Variants in NAALADL2 observed in about 807,000 individuals in gnomAD.
NAALADL2 encodes inactive N-acetylated-alpha-linked acidic dipeptidase-like protein 2.
NAALADL2 carries 76 observed loss-of-function variants against 87.2 expected under a neutral mutation model. The observed-to-expected ratio is 0.87, with a 90% CI of 0.72 to 1.05. The LOEUF is 1.05. NAALADL2 is among the 50% of genes least tolerant of loss of function. The probability of loss-of-function intolerance (pLI) is 0.00; values close to 1 mark genes in which losing one functional copy is unlikely to be tolerated. For synonymous variants in NAALADL2, 354 were observed against 331.0 expected (o/e 1.07, Z -0.75); for missense variants, 1,089 against 945.8 (o/e 1.15, Z -1.99).
At chr3:175,747,960 G>T (rs1284398088) in intron 12 of NAALADL2, among the ~76,000 whole-genome samples, 1 of 152,054 alleles carries the variant, frequency 6.6e-6, no homozygotes, top group African/African-American at 2.4e-5. Context: ...TGCATCTGCA[G>T]TGGCTACCTG....
chr3:174,795,064 ACAC>A (rs1218134511), intron 3 of NAALADL2, among the ~76,000 whole-genome samples: 1 of 131,834 alleles, frequency 7.6e-6, no homozygotes. Context: ...TGATCTCGGC[ACAC>A]CACAACCTCC....
intron 2 of NAALADL2, among the ~76,000 whole-genome samples, chr3:175,173,349 T>TAAGC (rs1204030541): frequency 2.8e-5 from 4 of 143,564 alleles, no homozygotes; most frequent in African/African-American, 7.6e-5. Context: ...AATAAATAAA[T>TAAGC]AAGCAAGCCA....
intron 2 of NAALADL2, among the ~76,000 whole-genome samples, chr3:175,121,580 G>A (rs933215300): frequency 4.0e-5 from 6 of 151,762 alleles, no homozygotes; most frequent in African/African-American, 9.7e-5. Context: ...TTGCTCTTAC[G>A]GGAAAAGTCC....
intron 9 of NAALADL2, among the ~76,000 whole-genome samples, chr3:175,531,584 A>ATATATGCTTT (rs1250999877): frequency 6.6e-6 from 1 of 152,224 alleles, no homozygotes; most frequent in Non-Finnish European, 1.5e-5. Context: ...AAAGCCATAG[A>ATATATGCTTT]GTTGATATAC....
chr3:175,084,196 G>T (rs11915224), intron 1 of NAALADL2, among the ~76,000 whole-genome samples: 34,873 of 151,916 alleles, frequency 0.23, 4,086 homozygotes, highest in East Asian at 0.32. Flanking sequence ...TGAGTAAAAA[G>T]CTACCCCCCA....
chr3:175,721,284 A>C (rs756037383), intron 11 of NAALADL2, among the ~76,000 whole-genome samples: 15 of 152,108 alleles, frequency 9.9e-5, no homozygotes, highest in Non-Finnish European at 1.8e-4. Flanking sequence ...GGAAAAACTC[A>C]GTCAAGCTAA....
intron 1 of NAALADL2, among the ~76,000 whole-genome samples, chr3:174,473,766 G>A (rs1577982950): frequency 2.0e-5 from 3 of 152,066 alleles, no homozygotes; most frequent in South Asian, 4.1e-4. Flanking sequence ...TTGATTAGAT[G>A]TTATTTGAAA....
At chr3:174,531,375 TA>T (rs1217700522) in intron 1 of NAALADL2, among the ~76,000 whole-genome samples, 5 of 152,138 alleles carry the variant, frequency 3.3e-5, no homozygotes, top group African/African-American at 1.2e-4. Context: ...GATTACCTTT[TA>T]ACTCATGTAA....
intron 12 of NAALADL2, among the ~76,000 whole-genome samples, chr3:175,741,164 C>T (rs901036948): frequency 2.0e-5 from 3 of 152,144 alleles, no homozygotes; most frequent in Non-Finnish European, 4.4e-5. Flanking sequence ...TTATCAACAA[C>T]AGTAATTTAT....
intron 2 of NAALADL2, among the ~76,000 whole-genome samples, chr3:174,704,292 A>G (rs1729853955): frequency 6.6e-6 from 1 of 152,210 alleles, no homozygotes; most frequent in Non-Finnish European, 1.5e-5. Context: ...AATTTCAAAT[A>G]CAGACTTTAA....
chr3:175,449,394 C>CTTCTTTTTTTTTTTTTT (rs1212551637), intron 6 of NAALADL2, among the ~76,000 whole-genome samples: 1 of 48,536 alleles, frequency 2.1e-5, no homozygotes, highest in Non-Finnish European at 4.7e-5. Flanking sequence ...TAATTTTCTT[C>CTTCTTTTTTTTTTTTTT]TTTTTTTTTT....
At chr3:175,011,434 C>T (rs1749811344) in intron 1 of NAALADL2, among the ~76,000 whole-genome samples, 3 of 152,086 alleles carry the variant, frequency 2.0e-5, no homozygotes, top group Admixed American at 2.0e-4. Context: ...AGAGTCTCAG[C>T]AACTTTCTTT....
chr3:174,819,748 G>C (rs1026852060), intron 3 of NAALADL2, among the ~76,000 whole-genome samples: 2 of 151,106 alleles, frequency 1.3e-5, no homozygotes, highest in African/African-American at 4.9e-5. Context: ...ACAGAAAATA[G>C]TTATCTCTCA....
At chr3:175,014,588 C>G (rs1021658514) in intron 1 of NAALADL2, among the ~76,000 whole-genome samples, 1 of 151,998 alleles carries the variant, frequency 6.6e-6, no homozygotes, top group African/African-American at 2.4e-5. Flanking sequence ...TGACACATAC[C>G]ATTTTAAAAG....
At chr3:175,764,935 G>A (rs1470673342) in intron 13 of NAALADL2, among the ~76,000 whole-genome samples, 7 of 152,024 alleles carry the variant, frequency 4.6e-5, no homozygotes, top group Admixed American at 3.9e-4. Flanking sequence ...GTGTTTGATT[G>A]GGATAATGAC....
intron 2 of NAALADL2, among the ~76,000 whole-genome samples, chr3:175,182,578 T>TG (rs869131559): frequency 4.2e-5 from 4 of 94,864 alleles, no homozygotes; most frequent in Non-Finnish European, 4.6e-5. Flanking sequence ...TTTTTTTTTT[T>TG]GTAGAGATGT....
intron 2 of NAALADL2, among the ~76,000 whole-genome samples, chr3:174,677,391 C>T (rs1045656382): frequency 1.3e-5 from 2 of 151,776 alleles, no homozygotes; most frequent in African/African-American, 4.8e-5. Flanking sequence ...TTTCATCATG[C>T]GAATATACGA....
At chr3:174,552,020 A>G (rs1226953028) in intron 2 of NAALADL2, among the ~76,000 whole-genome samples, 1 of 152,198 alleles carries the variant, frequency 6.6e-6, no homozygotes, top group East Asian at 1.9e-4. Context: ...TTCCTCTTTT[A>G]CAGTTGTTTT....
At chr3:175,409,178 A>G (rs1385087354) in intron 5 of NAALADL2, among the ~76,000 whole-genome samples, 1 of 151,740 alleles carries the variant, frequency 6.6e-6, no homozygotes, top group Non-Finnish European at 1.5e-5. Flanking sequence ...TATATGTTTT[A>G]TTTTAAAAAC....
Sources: allele counts gnomAD v4.1 joint callset (sites outside exome capture counted in the v4.1 genomes callset), GRCh38; gene constraint gnomAD v4.1.1; transcripts MANE v1.5; gene names NCBI Gene and HGNC (gene_info 2026-07-23, HGNC 2026-07-21).